Variants in PRIM2 observed in about 807,000 individuals in gnomAD.
PRIM2 encodes DNA primase subunit 2.
A neutral mutation model predicts 67.3 loss-of-function variants in PRIM2; 39 were observed. The observed-to-expected ratio is 0.58, with a 90% CI of 0.45 to 0.76. PRIM2 has a LOEUF of 0.76. Ranked by LOEUF, PRIM2 falls within the 30% of genes least tolerant of loss-of-function variation. The pLI is 0.00. For missense variants in PRIM2, 398 were observed against 598.7 expected, an observed-to-expected ratio of 0.66 and a Z score of 3.50; for synonymous variants, 143 against 198.7, an observed-to-expected ratio of 0.72 and a Z score of 2.36.
At chr6:57,490,163 C>T (rs1773856131) in intron 7 of PRIM2, among the ~76,000 whole-genome samples, 1 of 152,184 alleles carries the variant, frequency 6.6e-6, no homozygotes, top group Non-Finnish European at 1.5e-5. Flanking sequence ...AGATTGCCTT[C>T]TTCCAGTGCT....
At chr6:57,360,378 T>C (rs1769157979) in intron 5 of PRIM2, among the ~76,000 whole-genome samples, 2 of 152,200 alleles carry the variant, frequency 1.3e-5, no homozygotes, top group African/African-American at 4.8e-5. Context: ...TGCTTTATAT[T>C]GGCTCTTGAT....
At chr6:57,235,777 A>G in the PRIM2 span, among the ~76,000 whole-genome samples, 1 of 152,194 alleles carries the variant, frequency 6.6e-6, no homozygotes. Flanking sequence ...AGAGGGTCAG[A>G]GCCAAAAAAG....
intron 7 of PRIM2, among the ~76,000 whole-genome samples, chr6:57,437,384 C>A (rs1446106672): frequency 6.6e-6 from 1 of 152,202 alleles, no homozygotes; most frequent in African/African-American, 2.4e-5. Flanking sequence ...ATCATTATTT[C>A]TCCCTACCTT....
At position 57,507,353 on chromosome 6, in the gene PRIM2, T is replaced by C. The variant is rs1554347295; in HGVS notation, c.694-34T>C. ...TCAAATATGTTCGGTGTTCGGCCTTTGCTGTTTTTACTAATTTTCTTCCCT... is the reference window on the plus strand; with the variant it reads ...TCAAATATGTTCGGTGTTCGGCCTTCGCTGTTTTTACTAATTTTCTTCCCT... On this transcript the variant is annotated intron_variant, in intron 7 of 13. Coordinates refer to ENST00000615550, the MANE Select transcript of PRIM2 (RefSeq NM_000947.5). 6.7e-4 allele frequency: 958 copies of C among 1,430,664 alleles called. 6 individuals carry two copies. In the African/African-American group the frequency reaches 0.012, roughly 19 times the overall value. The allele number at this position is 1,430,664 out of a possible 1,614,324, so 88.6% of individuals were successfully genotyped here. A position where few individuals can be genotyped will look rare whatever the true frequency, so the allele number is the denominator to read the frequency against.
chr6:57,395,721 T>C (rs987154892), intron 7 of PRIM2, among the ~76,000 whole-genome samples: 1 of 152,174 alleles, frequency 6.6e-6, no homozygotes, highest in Non-Finnish European at 1.5e-5. Context: ...TTTGGTTTGT[T>C]TTTGTTTCTC....
chr6:57,548,248 A>G (rs1403601921), intron 10 of PRIM2, among the ~76,000 whole-genome samples: 1 of 152,192 alleles, frequency 6.6e-6, no homozygotes, highest in Non-Finnish European at 1.5e-5. Flanking sequence ...ACTCTCTGAG[A>G]AGTGCCAAAG....
chr6:57,492,403 C>T (rs1236382229), intron 7 of PRIM2, among the ~76,000 whole-genome samples: 1 of 151,794 alleles, frequency 6.6e-6, no homozygotes. Context: ...ATTAGCAGGG[C>T]ATGGTGGTGG....
chr6:57,235,168 A>G, the PRIM2 span, among the ~76,000 whole-genome samples: 1 of 152,032 alleles, frequency 6.6e-6, no homozygotes. Flanking sequence ...AACAAAACAA[A>G]AACAAAGTGA....
chr6:57,366,571 G>A (rs1053619183), intron 5 of PRIM2, among the ~76,000 whole-genome samples: 6 of 152,168 alleles, frequency 3.9e-5, no homozygotes, highest in Non-Finnish European at 1.5e-5. Flanking sequence ...TGTGAAACTA[G>A]TGTTGACTGG....
chr6:57,615,478 C>G (rs1347157989), intron 12 of PRIM2, among the ~76,000 whole-genome samples: 1 of 151,324 alleles, frequency 6.6e-6, no homozygotes, highest in African/African-American at 2.4e-5. Context: ...AGTAAAATCT[C>G]TCATTGGCTT....
At chr6:57,504,713 T>C (rs1774217890) in intron 7 of PRIM2, among the ~76,000 whole-genome samples, 1 of 152,154 alleles carries the variant, frequency 6.6e-6, no homozygotes, top group Non-Finnish European at 1.5e-5. Flanking sequence ...AGAAAAAAAA[T>C]TAAAACATAG....
intron 12 of PRIM2, among the ~76,000 whole-genome samples, chr6:57,607,314 A>C (rs1377424719): frequency 1.3e-5 from 2 of 152,154 alleles, no homozygotes. Flanking sequence ...TCAAGGTGCC[A>C]TAGAGTATGC....
At chr6:57,506,813 T>G (rs1487898562) in intron 7 of PRIM2, among the ~76,000 whole-genome samples, 1 of 152,110 alleles carries the variant, frequency 6.6e-6, no homozygotes, top group African/African-American at 2.4e-5. Context: ...TGACTTCTTA[T>G]TTCCTAGCTC....
At chr6:57,621,878 C>A (rs1482817303) in intron 12 of PRIM2, among the ~76,000 whole-genome samples, 4,741 of 152,262 alleles carry the variant, frequency 0.031, 233 homozygotes, top group African/African-American at 0.11. Flanking sequence ...CTACTAACAA[C>A]AGACTCCCTC....
chr6:57,243,205 C>G, the PRIM2 span, among the ~76,000 whole-genome samples: 4 of 152,248 alleles, frequency 2.6e-5, no homozygotes, highest in Admixed American at 6.5e-5. Context: ...CTACCTAACC[C>G]TTTCCCCTCA....
At chr6:57,357,110 C>CT (rs1299137657) in intron 5 of PRIM2, among the ~76,000 whole-genome samples, 1 of 151,750 alleles carries the variant, frequency 6.6e-6, no homozygotes, top group Non-Finnish European at 1.5e-5. Context: ...ATTTTTGTAG[C>CT]TTTAGTAGAG....
chr6:57,582,494 T>A (rs1467622466), intron 10 of PRIM2, among the ~76,000 whole-genome samples: 6 of 152,148 alleles, frequency 3.9e-5, no homozygotes, highest in African/African-American at 9.7e-5. Flanking sequence ...ACTTTTAACT[T>A]CAAGTTTGCC....
At position 57,546,949 on chromosome 6, in the gene PRIM2, G is replaced by C. The variant is rs1349938501; in HGVS notation, c.1020+9324G>C. Among the ~76,000 whole-genome samples, 128 of 152,224 alleles carry C rather than the reference G, an allele frequency of 8.4e-4. 1 individual carries two copies. The highest frequency in any genetic ancestry group is 1.5e-3 in the Admixed American group (23 of 15,294). Reference sequence around the variant, plus strand: ...TTAAAATAAAGCTCTTTGAGTTAACGCTTGTCAGTGAAGGATGGAGAAATT... The same window carrying C: ...TTAAAATAAAGCTCTTTGAGTTAACCCTTGTCAGTGAAGGATGGAGAAATT... On this transcript the variant is annotated intron_variant, in intron 10 of 13. Coordinates refer to ENST00000615550, the MANE Select transcript of PRIM2 (RefSeq NM_000947.5).
At chr6:57,348,319 G>C (rs1768745449) in intron 5 of PRIM2, among the ~76,000 whole-genome samples, 1 of 152,116 alleles carries the variant, frequency 6.6e-6, no homozygotes, top group Non-Finnish European at 1.5e-5. Context: ...TCAAAGATCA[G>C]TGTAAATCAA....
Sources: allele counts gnomAD v4.1 joint callset (sites outside exome capture counted in the v4.1 genomes callset), GRCh38; gene constraint gnomAD v4.1.1; transcripts MANE v1.5; gene names NCBI Gene and HGNC (gene_info 2026-07-23, HGNC 2026-07-21).